Variants in FRMPD4 observed in about 807,000 individuals in gnomAD.
FRMPD4 encodes FERM and PDZ domain containing 4.
In FRMPD4, 22 loss-of-function variants were observed where a neutral mutation model predicts 94.1. That is an observed-to-expected ratio of 0.23 (90% confidence interval 0.17 to 0.33). FRMPD4 has a LOEUF of 0.33. Ranked by LOEUF, FRMPD4 falls within the 10% of genes least tolerant of loss-of-function variation. FRMPD4 has a pLI of 1.00. For missense variants in FRMPD4, 1,111 were observed against 1,339.9 expected, an observed-to-expected ratio of 0.83 and a Z score of 2.67; for synonymous variants, 631 against 548.6, an observed-to-expected ratio of 1.15 and a Z score of -2.10.
chrX:12,641,129 G>A (rs960394083), intron 4 of FRMPD4, among the ~76,000 whole-genome samples: 2 of 111,565 alleles, frequency 1.8e-5, no homozygotes, highest in African/African-American at 6.5e-5. Flanking sequence ...AACTGACCCT[G>A]AAATGAAGAT....
chrX:12,556,813 C>T (rs2058600186), intron 2 of FRMPD4, among the ~76,000 whole-genome samples: 1 of 107,894 alleles, frequency 9.3e-6, no homozygotes, highest in Non-Finnish European at 1.9e-5. Flanking sequence ...AAAAACAGCT[C>T]ACAAAAGACA....
chrX:12,292,877 C>T (rs1266646694), intron 1 of FRMPD4, among the ~76,000 whole-genome samples: 2 of 110,634 alleles, frequency 1.8e-5, no homozygotes, highest in African/African-American at 6.6e-5. Flanking sequence ...TCAGTGAATC[C>T]AATCCAAAGA....
chrX:12,100,615 A>C (rs2147508732), intron 3 of FRMPD4, among the ~76,000 whole-genome samples: 1 of 111,681 alleles, frequency 9.0e-6, no homozygotes, highest in African/African-American at 3.2e-5. Context: ...AATATTTGCT[A>C]CTTATTGTTT....
intron 1 of FRMPD4, among the ~76,000 whole-genome samples, chrX:12,234,302 G>A (rs1394005365): frequency 8.9e-6 from 1 of 112,261 alleles, no homozygotes; most frequent in African/African-American, 3.2e-5. Flanking sequence ...GAGAGAGTGT[G>A]TGTATGTGTG....
chrX:12,146,304 C>T (rs2055767028), intron 1 of FRMPD4, among the ~76,000 whole-genome samples: 1 of 110,236 alleles, frequency 9.1e-6, no homozygotes, highest in African/African-American at 3.3e-5. Context: ...GCGAAGCTTG[C>T]AGTGAGCTGA....
At chrX:12,202,456 C>T (rs1272771082) in intron 1 of FRMPD4, among the ~76,000 whole-genome samples, 2 of 111,857 alleles carry the variant, frequency 1.8e-5, no homozygotes, top group Non-Finnish European at 3.8e-5. Flanking sequence ...TTGGGGTGCT[C>T]GTATCCACAT....
chrX:12,416,627 G>A (rs1260102338), intron 1 of FRMPD4, among the ~76,000 whole-genome samples: 1 of 112,155 alleles, frequency 8.9e-6, no homozygotes, highest in Admixed American at 9.4e-5. Context: ...AACAGGAGTC[G>A]TGTGGTCGAA....
chrX:12,438,530 A>T (rs113742672), intron 1 of FRMPD4, among the ~76,000 whole-genome samples: 3,809 of 110,688 alleles, frequency 0.034, 175 homozygotes, highest in African/African-American at 0.11. Context: ...AATGATATGG[A>T]GAAAGTATTA....
chrX:12,683,469 T>C lies in FRMPD4; in HGVS notation c.469-14T>C. The C allele has an allele frequency of 2.2e-6, 2 of 914,088 alleles. No individual in the cohort carries two copies. The highest frequency in any genetic ancestry group is 3.2e-6 in the Non-Finnish European group (2 of 628,889). The allele number at this position is 914,088 out of a possible 1,213,427, so 75.3% of individuals were successfully genotyped here. ...GTTACCAGTAATCAGATAAAATGTT[T>C]TCTTTTCTTCTAGTCTCCCAAATCA... On this transcript the variant is annotated splice_polypyrimidine_tract_variant and intron_variant, in intron 5 of 16. Transcript: ENST00000675598.
intron 1 of FRMPD4, among the ~76,000 whole-genome samples, chrX:12,272,986 A>G (rs1245915902): frequency 9.1e-6 from 1 of 110,471 alleles, no homozygotes; most frequent in East Asian, 2.8e-4. Context: ...CTGAGGCACA[A>G]GAATCACTTG....
chrX:12,675,442 C>T (rs2059889631), intron 5 of FRMPD4, among the ~76,000 whole-genome samples: 1 of 100,553 alleles, frequency 9.9e-6, no homozygotes, highest in Non-Finnish European at 2.0e-5. Context: ...AAAAAAAAAA[C>T]GACTTTATCA....
chrX:12,053,422 GAAA>G (rs2054834899), intron 3 of FRMPD4, among the ~76,000 whole-genome samples: 6 of 92,050 alleles, frequency 6.5e-5, no homozygotes, highest in African/African-American at 2.4e-4. Context: ...AAGAAAGAAA[GAAA>G]GAAAGAGAAA....
At chrX:12,606,921 T>G (rs1053222855) in intron 2 of FRMPD4, among the ~76,000 whole-genome samples, 2 of 111,649 alleles carry the variant, frequency 1.8e-5, no homozygotes, top group African/African-American at 6.5e-5. Context: ...GTGTCCACCA[T>G]GCCTAGCTGG....
intron 2 of FRMPD4, among the ~76,000 whole-genome samples, chrX:12,534,821 G>A (rs1251536326): frequency 8.9e-6 from 1 of 112,329 alleles, no homozygotes; most frequent in Non-Finnish European, 1.9e-5. Flanking sequence ...GAAGGGACTT[G>A]CCTTGTTTCA....
At chrX:12,646,149 C>G (rs1055465416) in intron 4 of FRMPD4, among the ~76,000 whole-genome samples, 1 of 112,332 alleles carries the variant, frequency 8.9e-6, no homozygotes, top group Admixed American at 9.4e-5. Flanking sequence ...TTTCTAACCC[C>G]AATGGATACA....
At chrX:12,115,785 C>CT (rs1277675509) in intron 3 of FRMPD4, among the ~76,000 whole-genome samples, 2 of 110,869 alleles carry the variant, frequency 1.8e-5, no homozygotes, top group Non-Finnish European at 3.8e-5. Flanking sequence ...CTCTCACTCC[C>CT]TTTTTTGCAA....
chrX:11,862,972 T>TG (rs2053696530), intron 1 of FRMPD4, among the ~76,000 whole-genome samples: 1 of 99,588 alleles, frequency 1.0e-5, no homozygotes, highest in African/African-American at 3.8e-5. Flanking sequence ...TTTTTTTTTT[T>TG]TTTTTTTTTT....
intron 1 of FRMPD4, among the ~76,000 whole-genome samples, chrX:12,224,302 G>A (rs1288110044): frequency 2.7e-5 from 3 of 110,602 alleles, no homozygotes; most frequent in Non-Finnish European, 3.8e-5. Context: ...AGGCTGGAGG[G>A]CAATGGCGTG....
intron 1 of FRMPD4, among the ~76,000 whole-genome samples, chrX:12,234,964 C>T (rs1004519797): frequency 2.7e-5 from 3 of 111,572 alleles, no homozygotes; most frequent in East Asian, 2.8e-4. Context: ...TCATTTTGAG[C>T]GTTTGTTTAT....
Sources: gnomAD v4.1 joint callset for allele counts (sites outside exome capture counted in the v4.1 genomes callset) on GRCh38, gnomAD v4.1.1 for gene constraint, MANE v1.5 for transcripts, NCBI Gene and HGNC (gene_info 2026-07-23, HGNC 2026-07-21) for gene names.